SLC9A8: variants seen among roughly 807,000 people sequenced by gnomAD.
The protein encoded by SLC9A8 is solute carrier family 9 member A8, also known as sodium/hydrogen exchanger 8.
A neutral mutation model predicts 66.6 loss-of-function variants in SLC9A8; 48 were observed. The ratio of observed to expected loss-of-function variants is 0.72; its 90% CI spans 0.57 to 0.92. The LOEUF (loss-of-function observed/expected upper bound fraction) is 0.92. SLC9A8 is among the 40% of genes least tolerant of loss of function. The pLI, the probability that SLC9A8 is intolerant of heterozygous loss-of-function variation, is 0.00. For synonymous variants in SLC9A8, 274 were observed against 282.6 expected (o/e 0.97, Z 0.31); for missense variants, 599 against 747.3 (o/e 0.80, Z 2.31).
rs949233663 is a variant in SLC9A8, at chr20:49,888,105, C to T, written c.*169C>T. ...TCGCCTTAGTCCAGAACCTGACAGGCCTCTGGAGCCAGGCGACTTCTTGGG... is the reference window on the plus strand; with the variant it reads ...TCGCCTTAGTCCAGAACCTGACAGGTCTCTGGAGCCAGGCGACTTCTTGGG... On this transcript the variant is annotated 3_prime_UTR_variant, in exon 16 of 16. Coordinates refer to ENST00000361573, the MANE Select transcript of SLC9A8 (RefSeq NM_015266.3). The T allele has an allele frequency of 1.8e-5, 10 of 558,220 alleles. No homozygotes were observed. The highest frequency in any genetic ancestry group is 1.2e-4 in the African/African-American group (6 of 51,704). The allele number at this position is 558,220 out of a possible 1,614,324, so 34.6% of individuals were successfully genotyped here.
chr20:49,815,753 A>G (rs2086527019), intron 2 of SLC9A8, among the ~76,000 whole-genome samples: 1 of 152,000 alleles, frequency 6.6e-6, no homozygotes, highest in Non-Finnish European at 1.5e-5. Flanking sequence ...GAAAAAAAAA[A>G]AAGAATCTTG....
intron 3 of SLC9A8, among the ~76,000 whole-genome samples, chr20:49,838,725 A>G (rs945020677): frequency 1.3e-5 from 2 of 152,082 alleles, no homozygotes; most frequent in Non-Finnish European, 2.9e-5. Flanking sequence ...TGAAGCATCC[A>G]TGGAATGGCC....
intron 2 of SLC9A8, among the ~76,000 whole-genome samples, chr20:49,821,148 A>G (rs769455996): frequency 1.3e-5 from 2 of 152,206 alleles, no homozygotes; most frequent in Non-Finnish European, 2.9e-5. Context: ...GCCTTATATT[A>G]ACTCTTTCTG....
chr20:49,831,724 A>T (rs1180043449), intron 3 of SLC9A8, among the ~76,000 whole-genome samples: 2 of 152,194 alleles, frequency 1.3e-5, no homozygotes, highest in East Asian at 3.9e-4. Flanking sequence ...TGAGAAAGAG[A>T]AAGATGTTCA....
At chr20:49,849,551 T>C in intron 5 of SLC9A8, 28 bp from the exon 6 acceptor site, 1 of 1,557,102 alleles carries the variant, frequency 6.4e-7, no homozygotes. Flanking sequence ...TTTCTAATCA[T>C]TTCCCTGATT....
In SLC9A8 at chr20:49,850,856, A is replaced by G. The variant is rs770417413; in HGVS notation, c.569+12A>G. The G allele has an allele frequency of 1.9e-6, 3 of 1,592,458 alleles. No individual in the cohort carries two copies. Among genetic ancestry groups the G allele is most frequent in the Admixed American group, 3.5e-5 (2 of 57,548 alleles). On this transcript the variant is annotated intron_variant, in intron 7 of 15. Transcript: ENST00000361573. Reference sequence around the variant, plus strand: ...AACATGACAGACAGGTAAATCCTTCATACTGTAACACCCATGCGACTGCTT... The same window carrying G: ...AACATGACAGACAGGTAAATCCTTCGTACTGTAACACCCATGCGACTGCTT...
At chr20:49,850,908 A>G in intron 7 of SLC9A8, 64 bp downstream of exon 7, 1 of 1,266,112 alleles carries the variant, frequency 7.9e-7, no homozygotes, top group Non-Finnish European at 1.1e-6. Flanking sequence ...GTTTCTCCAC[A>G]TTGCTTCCTG....
At chr20:49,846,163 G>A (rs2087981106) in intron 5 of SLC9A8, among the ~76,000 whole-genome samples, 1 of 152,176 alleles carries the variant, frequency 6.6e-6, no homozygotes, top group African/African-American at 2.4e-5. Flanking sequence ...TTCTGCCTGA[G>A]CAGGAGCTTC....
intron 3 of SLC9A8, among the ~76,000 whole-genome samples, chr20:49,834,348 C>CTG (rs1332917711): frequency 2.9e-5 from 2 of 69,156 alleles, no homozygotes; most frequent in Admixed American, 1.5e-4. Flanking sequence ...TATATATATA[C>CTG]TGTATATATA....
intron 4 of SLC9A8, among the ~76,000 whole-genome samples, chr20:49,841,877 G>A (rs1321246427): frequency 6.6e-6 from 1 of 151,972 alleles, no homozygotes; most frequent in Non-Finnish European, 1.5e-5. Context: ...GTACAGGTGT[G>A]AGCCACTGCG....
intron 10 of SLC9A8, among the ~76,000 whole-genome samples, chr20:49,870,197 T>A (rs1367416462): frequency 6.6e-6 from 1 of 152,244 alleles, no homozygotes; most frequent in Non-Finnish European, 1.5e-5. Context: ...CTGTTGGGGC[T>A]ACATTTATAA....
intron 6 of SLC9A8, among the ~76,000 whole-genome samples, chr20:49,850,171 A>G (rs1043277944): frequency 2.6e-5 from 4 of 152,196 alleles, no homozygotes; most frequent in Non-Finnish European, 5.9e-5. Flanking sequence ...TACCTGTAGA[A>G]TTATATACTC....
In SLC9A8 at chr20:49,849,598, T is replaced by C. The variant is rs776445182; in HGVS notation, c.452T>C (p.Ile151Thr). Residue 151 changes from isoleucine to threonine, a missense_variant, in exon 6 of 16, where the codon ATT becomes ACT. Transcript: ENST00000361573. ...SLHKGNFFQN[I>T]GSITLFAVFG... Reference sequence around the variant, plus strand: ...AAACAGGGTAACTTCTTTCAAAATATTGGTTCCATCACCCTGTTTGCTGTT... The same window carrying C: ...AAACAGGGTAACTTCTTTCAAAATACTGGTTCCATCACCCTGTTTGCTGTT... 1.9e-6 allele frequency: 3 copies of C among 1,613,476 alleles called. No homozygotes were observed. The highest frequency in any genetic ancestry group is 2.2e-5 in the South Asian group (2 of 91,084).
rs1291493316 is a variant in SLC9A8 at position 49,888,557 on chromosome 20, C to G, written c.*621C>G. ...GTCTATCTCCCTGGGTAGCAGACGGCTGCTGCCCTTCTCTGGGCATGTTCT... is the reference window on the plus strand; with the variant it reads ...GTCTATCTCCCTGGGTAGCAGACGGGTGCTGCCCTTCTCTGGGCATGTTCT... On this transcript the variant is annotated 3_prime_UTR_variant, in exon 16 of 16. Transcript: ENST00000361573. The G allele has an allele frequency of 6.5e-6, 1 of 154,152 alleles. No homozygotes were observed. Among genetic ancestry groups the G allele is most frequent in the Non-Finnish European group, 1.4e-5 (1 of 69,050 alleles). The allele number at this position is 154,152 out of a possible 1,614,324, so 9.5% of individuals were successfully genotyped here. A position where few individuals can be genotyped will look rare whatever the true frequency, so the allele number is the denominator to read the frequency against.
At chr20:49,851,056 G>A (rs1339257275) in intron 7 of SLC9A8, among the ~76,000 whole-genome samples, 2 of 152,188 alleles carry the variant, frequency 1.3e-5, no homozygotes, top group African/African-American at 4.8e-5. Flanking sequence ...CCCTAGTGGG[G>A]CATTGCTGAT....
intron 5 of SLC9A8, among the ~76,000 whole-genome samples, chr20:49,848,532 T>TA (rs2088106989): frequency 6.6e-6 from 1 of 152,154 alleles, no homozygotes; most frequent in Non-Finnish European, 1.5e-5. Context: ...AGATTCTTGT[T>TA]CACAACCACA....
chr20:49,884,850 T>C (rs2089832352), intron 14 of SLC9A8, among the ~76,000 whole-genome samples: 1 of 152,192 alleles, frequency 6.6e-6, no homozygotes, highest in African/African-American at 2.4e-5. Flanking sequence ...TGTGCAAAGC[T>C]AGGCCCTCTG....
chr20:49,814,959 GT>G lies in SLC9A8; in HGVS notation c.27-45del, dbSNP rs745616943. 1.3e-5 allele frequency: 18 copies of G among 1,419,394 alleles called. No individual in the cohort carries two copies. In the East Asian group the frequency reaches 4.7e-4, roughly 37 times the overall value. The allele number at this position is 1,419,394 out of a possible 1,614,324, so 87.9% of individuals were successfully genotyped here. A position where few individuals can be genotyped will look rare whatever the true frequency, so the allele number is the denominator to read the frequency against. On this transcript the variant is annotated intron_variant, in intron 1 of 15. Coordinates refer to ENST00000361573, the MANE Select transcript of SLC9A8 (RefSeq NM_015266.3). ...TCTGGTGTGAGGTGTGTGAATTGAT[GT>G]TTTGGGACCCTTTTCCATTATCTAA...
At position 49,823,063 on chromosome 20, in the gene SLC9A8, A is replaced by G; in HGVS notation, c.211A>G (p.Ile71Val). The change falls in exon 3 of 16, where the codon ATC becomes GTC. Residue 71 changes from isoleucine to valine, a missense_variant and splice_region_variant. By Grantham distance (29) the Ile-to-Val change is conservative. Transcript: ENST00000361573. ...TTGTATTATTTTTTTTTCCACAGCT[A>G]TCTGCATCATATTGGTGCATTTACT... is the stretch of plus-strand genomic sequence containing the variant. ...TIFFSLLVLAICIILVHLLIR... is the reference protein window; with the variant it reads ...TIFFSLLVLAVCIILVHLLIR... 1.9e-6 allele frequency: 3 copies of G among 1,610,314 alleles called. No individual in the cohort carries two copies. Among genetic ancestry groups the G allele is most frequent in the Non-Finnish European group, 2.5e-6 (3 of 1,177,336 alleles).
Sources: gnomAD v4.1 joint callset for allele counts (sites outside exome capture counted in the v4.1 genomes callset) on GRCh38, gnomAD v4.1.1 for gene constraint, MANE v1.5 for transcripts, NCBI Gene and HGNC (gene_info 2026-07-23, HGNC 2026-07-21) for gene names.